The following EPB41L3 variants were observed in gnomAD, a reference collection of about 807,000 sequenced individuals.
EPB41L3 encodes erythrocyte membrane protein band 4.1 like 3, also known as band 4.1-like protein 3.
In EPB41L3, 57 loss-of-function variants were observed where a neutral mutation model predicts 127.1. The observed-to-expected ratio is 0.45, with a 90% CI of 0.36 to 0.56. EPB41L3 has a LOEUF of 0.56. Ranked by LOEUF, EPB41L3 falls within the 20% of genes least tolerant of loss-of-function variation. The pLI is 0.00. For synonymous variants in EPB41L3, 572 were observed against 549.5 expected, an observed-to-expected ratio of 1.04 and a Z score of -0.57; for missense variants, 1,273 against 1,372.2, an observed-to-expected ratio of 0.93 and a Z score of 1.14.
intron 2 of EPB41L3, among the ~76,000 whole-genome samples, chr18:5,483,143 G>A (rs1046878635): frequency 9.2e-5 from 14 of 152,116 alleles, no homozygotes; most frequent in Non-Finnish European, 1.9e-4. Context: ...AAGTCAAAAT[G>A]TAATGGGGAT....
intron 1 of EPB41L3, among the ~76,000 whole-genome samples, chr18:5,514,684 T>C (rs1250825449): frequency 1.3e-5 from 2 of 152,140 alleles, no homozygotes; most frequent in Non-Finnish European, 2.9e-5. Flanking sequence ...GTCTCAGAAA[T>C]GTATTCACTT....
intron 1 of EPB41L3, among the ~76,000 whole-genome samples, chr18:5,489,652 T>C (rs1349925360): frequency 1.3e-5 from 2 of 152,204 alleles, no homozygotes; most frequent in African/African-American, 4.8e-5. Flanking sequence ...CCCAACCCCC[T>C]GAATCTACAG....
intron 1 of EPB41L3, among the ~76,000 whole-genome samples, chr18:5,616,012 C>T (rs2094790363): frequency 6.6e-6 from 1 of 152,104 alleles, no homozygotes; most frequent in South Asian, 2.1e-4. Flanking sequence ...TTCTGGTTTC[C>T]CTGGATTTCT....
At chr18:5,580,745 A>G (rs1259441346) in intron 3 of EPB41L3, among the ~76,000 whole-genome samples, 2 of 152,216 alleles carry the variant, frequency 1.3e-5, no homozygotes, top group Non-Finnish European at 2.9e-5. Context: ...GGCATTGCTC[A>G]AGAGATTCAT....
chr18:5,507,127 C>T lies in EPB41L3; in HGVS notation c.-11-17933G>A, dbSNP rs75123457. 3.4e-3 allele frequency among the ~76,000 whole-genome samples: 515 copies of T among 152,154 alleles called. 2 individuals are homozygous for T. The highest frequency in any genetic ancestry group is 0.012 in the African/African-American group (492 of 41,524). On this transcript the variant is annotated intron_variant, in intron 1 of 22. Coordinates refer to ENST00000341928, the MANE Select transcript of EPB41L3 (RefSeq NM_012307.5). The stretch of plus-strand genomic sequence containing the variant: ...TGACCCATCCATCCTAAATCCTGAC[C>T]CTAATGTTCCTTATTTTATCTTCCT...
intron 13 of EPB41L3, among the ~76,000 whole-genome samples, chr18:5,414,732 C>A (rs1332652855): frequency 6.6e-6 from 1 of 152,196 alleles, no homozygotes; most frequent in African/African-American, 2.4e-5. Flanking sequence ...CTGGTGGCAG[C>A]TTCTATTATT....
intron 1 of EPB41L3, among the ~76,000 whole-genome samples, chr18:5,526,579 C>A (rs1019569402): frequency 6.6e-6 from 1 of 152,148 alleles, no homozygotes; most frequent in Non-Finnish European, 1.5e-5. Context: ...AAAATCTCTG[C>A]CCTCCTAACA....
chr18:5,447,704 T>C lies in EPB41L3; in HGVS notation c.382-2460A>G, dbSNP rs546194503. On this transcript the variant is annotated intron_variant, in intron 3 of 22. Coordinates refer to ENST00000341928, the MANE Select transcript of EPB41L3 (RefSeq NM_012307.5). ...CTGGTTACAGTTCCAATTCGCCACT[T>C]TCTGGCTGCTGTGTTCTTTCCTTTG... is the stretch of plus-strand genomic sequence containing the variant. Among the ~76,000 whole-genome samples the C allele has an allele frequency of 5.9e-5, 9 of 152,214 alleles. No homozygotes were observed. The South Asian group carries it at 1.9e-3, about 32-fold the overall frequency.
At chr18:5,603,597 G>A (rs1279333247) in intron 3 of EPB41L3, among the ~76,000 whole-genome samples, 4 of 152,152 alleles carry the variant, frequency 2.6e-5, no homozygotes, top group Admixed American at 2.0e-4. Flanking sequence ...TATAAAATTT[G>A]AAGAAGGCTG....
intron 3 of EPB41L3, among the ~76,000 whole-genome samples, chr18:5,566,649 G>A (rs555342537): frequency 1.3e-5 from 2 of 152,086 alleles, no homozygotes; most frequent in East Asian, 1.9e-4. Flanking sequence ...AGTCTGCATC[G>A]CCAAGTCAAT....
At chr18:5,439,502 T>A (rs1425560345) in intron 5 of EPB41L3, among the ~76,000 whole-genome samples, 3 of 152,328 alleles carry the variant, frequency 2.0e-5, no homozygotes, top group Middle Eastern at 3.4e-3. Flanking sequence ...CATCCATGTA[T>A]TAGTTATAGT....
intron 3 of EPB41L3, among the ~76,000 whole-genome samples, chr18:5,603,583 G>T (rs1047012083): frequency 2.0e-5 from 3 of 152,128 alleles, no homozygotes; most frequent in Non-Finnish European, 4.4e-5. Flanking sequence ...GCAACTGCAG[G>T]AGCTATAAAA....
intron 3 of EPB41L3, among the ~76,000 whole-genome samples, chr18:5,465,972 C>CAA (rs11448406): frequency 1.4e-4 from 19 of 140,484 alleles, no homozygotes; most frequent in South Asian, 2.2e-4. Flanking sequence ...CCACCACCAA[C>CAA]AAAAAAAAAA....
chr18:5,395,022 T>C (rs774180947), intron 21 of EPB41L3, 45 bp downstream of exon 21: 1 of 1,583,944 alleles, frequency 6.3e-7, no homozygotes, highest in East Asian at 2.2e-5. Flanking sequence ...CAACAGGTTT[T>C]TCTTTGTTTC....
chr18:5,414,187 C>A (rs1013796903), intron 13 of EPB41L3, among the ~76,000 whole-genome samples: 3 of 152,104 alleles, frequency 2.0e-5, no homozygotes, highest in Non-Finnish European at 4.4e-5. Flanking sequence ...GTGTTCTTAA[C>A]TGTAATATGT....
At chr18:5,402,268 G>A (rs2074621170) in intron 16 of EPB41L3, among the ~76,000 whole-genome samples, 1 of 150,386 alleles carries the variant, frequency 6.6e-6, no homozygotes, top group African/African-American at 2.4e-5. Context: ...ATTAAATGTG[G>A]ATTTTGTTTC....
At chr18:5,619,768 T>A (rs73937178) in intron 1 of EPB41L3, among the ~76,000 whole-genome samples, 2,502 of 152,276 alleles carry the variant, frequency 0.016, 56 homozygotes, top group African/African-American at 0.057. Flanking sequence ...TCTAGATAAA[T>A]CCTCTTGTTA....
At position 5,424,302 on chromosome 18, in the gene EPB41L3, G is replaced by T. The variant is rs935184617; in HGVS notation, c.1123C>A (p.Arg375Ser). Residue 375 changes from arginine to serine, a missense_variant, in exon 10 of 23, where the codon CGT becomes AGT. Physicochemically the swap from Arg to Ser is moderately radical, Grantham distance 110 (BLOSUM62 -1). This residue lies in a region of EPB41L3 where 326 missense variants were observed against 440.2 expected (regional missense o/e 0.74). Coordinates refer to ENST00000341928, the MANE Select transcript of EPB41L3 (RefSeq NM_012307.5). ...FKLPNHRAAK[R>S]LWKVCVEHHT... ...TGCTCAACACATACTTTCCATAAAC[G>T]CTTGGCAGCTCGATGGTTTGGCAGC... is the stretch of plus-strand genomic sequence containing the variant. The T allele has an allele frequency of 6.2e-7, 1 of 1,606,628 alleles. No individual in the cohort carries two copies. The highest frequency in any genetic ancestry group is 1.1e-5 in the South Asian group (1 of 89,518).
intron 1 of EPB41L3, among the ~76,000 whole-genome samples, chr18:5,628,418 C>T (rs2094947593): frequency 6.6e-6 from 1 of 152,216 alleles, no homozygotes; most frequent in Non-Finnish European, 1.5e-5. Flanking sequence ...CACCAGGTGC[C>T]TGTGAGAGAG....
Sources: allele counts gnomAD v4.1 joint callset (sites outside exome capture counted in the v4.1 genomes callset), GRCh38; gene constraint gnomAD v4.1.1; regional missense constraint gnomAD v4.1.1; transcripts MANE v1.5; gene names NCBI Gene and HGNC (gene_info 2026-07-23, HGNC 2026-07-21).